Variants in TET2 observed in about 807,000 individuals in gnomAD.
The protein encoded by TET2 is methylcytosine dioxygenase TET2.
Under a neutral mutation model 142.9 loss-of-function variants are expected in TET2, and 299 were observed. The observed-to-expected ratio is 2.09, with a 90% confidence interval of 1.90 to 2.30. TET2 has a LOEUF of 2.30. TET2 is among the 30% of genes most tolerant of loss of function. The pLI, the probability that TET2 is intolerant of heterozygous loss-of-function variation, is 0.00. For synonymous variants in TET2, 819 were observed against 849.0 expected (o/e 0.96, Z 0.61); for missense variants, 2,418 against 2,378.0 (o/e 1.02, Z -0.35).
At chr4:105,162,508 A>G (rs1346448763) in intron 1 of TET2, among the ~76,000 whole-genome samples, 1 of 152,226 alleles carries the variant, frequency 6.6e-6, no homozygotes, top group Non-Finnish European at 1.5e-5. Context: ...GGAGCTTTTC[A>G]CTTTGAACTT....
chr4:105,234,098 C>T lies in TET2; in HGVS notation c.156C>T (p.Thr52=). Residue 52 remains threonine (T), a synonymous_variant, in exon 3 of 11, where the codon ACC becomes ACT. Coordinates refer to ENST00000380013, the MANE Select transcript of TET2 (RefSeq NM_001127208.3). The part of the protein sequence containing the change: ...ERAHPEVNGD[T]KWHSFKSYYG... ...CTCATCCAGAAGTAAATGGAGACAC[C>T]AAGTGGCACTCTTTCAAAAGTTATT... 6.2e-7 allele frequency: 1 copy of T among 1,614,008 alleles called. No individual in the cohort carries two copies.
At chr4:105,148,652 G>A (rs1238281983) in intron 1 of TET2, among the ~76,000 whole-genome samples, 1 of 152,100 alleles carries the variant, frequency 6.6e-6, no homozygotes, top group African/African-American at 2.4e-5. Context: ...AAATACTAAG[G>A]GGAGTTATGT....
intron 8 of TET2, among the ~76,000 whole-genome samples, chr4:105,267,608 G>A (rs1442221288): frequency 6.8e-6 from 1 of 147,314 alleles, no homozygotes; most frequent in Non-Finnish European, 1.5e-5. Flanking sequence ...ATCCAAAAAT[G>A]TTTTTAAAAA....
chr4:105,180,572 G>A (rs908863371), intron 1 of TET2, among the ~76,000 whole-genome samples: 15 of 151,808 alleles, frequency 9.9e-5, no homozygotes, highest in Non-Finnish European at 1.8e-4. Flanking sequence ...TTTCTAAAAC[G>A]TAAATATTCT....
intron 2 of TET2, among the ~76,000 whole-genome samples, chr4:105,224,684 G>GTGTCTC (rs754234169): frequency 9.3e-6 from 1 of 108,106 alleles, no homozygotes; most frequent in African/African-American, 3.6e-5. Flanking sequence ...ATATCAGCCA[G>GTGTCTC]TCTCTCTCTC....
At chr4:105,237,489 T>C in intron 3 of TET2, 138 bp downstream of exon 3, 3 of 1,605,412 alleles carry the variant, frequency 1.9e-6, no homozygotes, top group Non-Finnish European at 2.5e-6. Context: ...ATCTGAAGCT[T>C]ACATTTTTTG....
rs1384805809 is a variant in TET2, at chr4:105,277,377, A to C, written c.*858A>C. ...TATACACAAACATGTATATGTGCAC[A>C]CACATGTATATGTATAAATATTTTA... On this transcript the variant is annotated 3_prime_UTR_variant, in exon 11 of 11. Coordinates refer to ENST00000380013, the MANE Select transcript of TET2 (RefSeq NM_001127208.3). The C allele has an allele frequency of 4.5e-6, 1 of 224,622 alleles. No individual in the cohort carries two copies. The highest frequency in any genetic ancestry group is 6.5e-5 in the East Asian group (1 of 15,362). 13.9% of individuals were successfully genotyped at this position (224,622 alleles called of 1,614,324 possible). A position where few individuals can be genotyped will look rare whatever the true frequency, so the allele number is the denominator to read the frequency against.
At chr4:105,242,458 C>T in intron 4 of TET2, 1 of 1,103,216 alleles carries the variant, frequency 9.1e-7, no homozygotes, top group Non-Finnish European at 1.1e-6. Flanking sequence ...TCTATTATGA[C>T]TCCCCAAGTT....
chr4:105,204,316 T>C (rs976677223), intron 2 of TET2, among the ~76,000 whole-genome samples: 1 of 151,188 alleles, frequency 6.6e-6, no homozygotes. Flanking sequence ...CTTAAAATGT[T>C]TTAAGCATCT....
chr4:105,218,029 A>G (rs897668400), intron 2 of TET2, among the ~76,000 whole-genome samples: 2 of 152,078 alleles, frequency 1.3e-5, no homozygotes, highest in Admixed American at 6.6e-5. Context: ...TTAAACTCAC[A>G]TGAGATTGAT....
chr4:105,182,345 C>T (rs1725168747), intron 1 of TET2, among the ~76,000 whole-genome samples: 1 of 152,160 alleles, frequency 6.6e-6, no homozygotes, highest in South Asian at 2.1e-4. Context: ...CACCATCCTG[C>T]AGCTAGAATA....
intron 1 of TET2, among the ~76,000 whole-genome samples, chr4:105,178,324 G>C (rs1478463671): frequency 6.6e-6 from 1 of 152,174 alleles, no homozygotes; most frequent in Admixed American, 6.5e-5. Context: ...ATTATAAAGT[G>C]AAAGAAGCTA....
intron 1 of TET2, among the ~76,000 whole-genome samples, chr4:105,183,390 T>C (rs571702246): frequency 1.4e-4 from 21 of 152,210 alleles, no homozygotes; most frequent in Non-Finnish European, 3.1e-4. Context: ...AATAATTCCA[T>C]TAATATAATT....
At chr4:105,220,891 C>T (rs953128923) in intron 2 of TET2, among the ~76,000 whole-genome samples, 2 of 152,124 alleles carry the variant, frequency 1.3e-5, no homozygotes, top group African/African-American at 2.4e-5. Context: ...TTGCCCTGGA[C>T]AGATTCTTAG....
At chr4:105,240,066 AC>A in intron 3 of TET2, 1 of 236,500 alleles carries the variant, frequency 4.2e-6, no homozygotes, top group Non-Finnish European at 9.0e-6. Flanking sequence ...GGTTTGTGGC[AC>A]CCCCCAAAAA....
chr4:105,229,439 T>C (rs1351120295), intron 2 of TET2, among the ~76,000 whole-genome samples: 1 of 152,104 alleles, frequency 6.6e-6, no homozygotes, highest in Non-Finnish European at 1.5e-5. Context: ...GCCTCCCAAG[T>C]AACTGGGACT....
At chr4:105,230,735 C>G (rs1728460744) in intron 2 of TET2, among the ~76,000 whole-genome samples, 1 of 152,096 alleles carries the variant, frequency 6.6e-6, no homozygotes, top group African/African-American at 2.4e-5. Flanking sequence ...CAACTTTTAA[C>G]TCTTTTTACA....
chr4:105,216,989 T>C (rs11735256), intron 2 of TET2, among the ~76,000 whole-genome samples: 74,300 of 151,842 alleles, frequency 0.49, 19,429 homozygotes, highest in Non-Finnish European at 0.61. Context: ...CGTGGAAGTG[T>C]ATTTTTTGTT....
chr4:105,264,060 T>C (rs1188497588), intron 8 of TET2, among the ~76,000 whole-genome samples: 1 of 151,146 alleles, frequency 6.6e-6, no homozygotes, highest in African/African-American at 2.4e-5. Flanking sequence ...TAAAATGATT[T>C]AGCTACTCTT....
Sources: allele counts gnomAD v4.1 joint callset (sites outside exome capture counted in the v4.1 genomes callset), GRCh38; gene constraint gnomAD v4.1.1; transcripts MANE v1.5; gene names NCBI Gene and HGNC (gene_info 2026-07-23, HGNC 2026-07-21).